The following RIMS1 variants were observed in gnomAD, a reference collection of about 807,000 sequenced individuals.
RIMS1 encodes regulating synaptic membrane exocytosis 1, also known as regulating synaptic membrane exocytosis protein 1.
RIMS1 carries 83 observed loss-of-function variants against 214.1 expected under a neutral mutation model. That is an observed-to-expected ratio of 0.39 (90% CI 0.32 to 0.47). The LOEUF (loss-of-function observed/expected upper bound fraction) is 0.47, where lower values mean the gene tolerates loss of function less well. RIMS1 is among the 20% of genes least tolerant of loss of function. The pLI, the probability that RIMS1 is intolerant of heterozygous loss-of-function variation, is 0.99. For missense variants in RIMS1, 2,050 were observed against 2,161.8 expected, an observed-to-expected ratio of 0.95 and a Z score of 1.03; for synonymous variants, 793 against 786.8, an observed-to-expected ratio of 1.01 and a Z score of -0.13.
intron 29 of RIMS1, among the ~76,000 whole-genome samples, chr6:72,364,357 T>C (rs1308586798): frequency 2.0e-5 from 3 of 152,180 alleles, no homozygotes; most frequent in Non-Finnish European, 2.9e-5. Flanking sequence ...TGGATAGCCA[T>C]ATAAAAATTA....
At chr6:72,034,606 A>G (rs1225625677) in intron 2 of RIMS1, among the ~76,000 whole-genome samples, 1 of 151,956 alleles carries the variant, frequency 6.6e-6, no homozygotes, top group Non-Finnish European at 1.5e-5. Context: ...TCATTATCTG[A>G]GCTATTATCA....
chr6:71,949,695 G>A (rs1463479770), intron 1 of RIMS1, among the ~76,000 whole-genome samples: 2 of 152,184 alleles, frequency 1.3e-5, no homozygotes, highest in Non-Finnish European at 2.9e-5. Context: ...ATTACATACA[G>A]TGTTTAATTA....
chr6:71,948,247 T>C (rs1788468549), intron 1 of RIMS1, among the ~76,000 whole-genome samples: 1 of 152,198 alleles, frequency 6.6e-6, no homozygotes, highest in African/African-American at 2.4e-5. Flanking sequence ...TGATCATTAG[T>C]GTTGTTCATC....
chr6:72,076,323 C>T (rs1237101311), intron 2 of RIMS1, among the ~76,000 whole-genome samples: 3 of 152,124 alleles, frequency 2.0e-5, no homozygotes, highest in African/African-American at 7.2e-5. Context: ...GATAAAGGTG[C>T]CCATCAATTT....
intron 22 of RIMS1, among the ~76,000 whole-genome samples, chr6:72,268,044 T>C (rs1164348034): frequency 6.6e-6 from 1 of 152,188 alleles, no homozygotes; most frequent in Non-Finnish European, 1.5e-5. Flanking sequence ...TTTTATGTAA[T>C]GTAAAATAAA....
chr6:72,207,075 G>A (rs1470037137), intron 6 of RIMS1, among the ~76,000 whole-genome samples: 1 of 152,170 alleles, frequency 6.6e-6, no homozygotes, highest in Non-Finnish European at 1.5e-5. Context: ...GAATAAACAA[G>A]CAAGAAGTAG....
At chr6:72,320,046 T>C (rs539125640) in intron 28 of RIMS1, among the ~76,000 whole-genome samples, 1 of 152,288 alleles carries the variant, frequency 6.6e-6, no homozygotes, top group South Asian at 2.1e-4. Context: ...ACACATAATA[T>C]AGTGCAACGG....
At chr6:72,076,484 C>T (rs80200934) in intron 2 of RIMS1, among the ~76,000 whole-genome samples, 18,377 of 152,238 alleles carry the variant, frequency 0.12, 1,381 homozygotes, top group South Asian at 0.18. Flanking sequence ...CATATGGCCT[C>T]ATCTCCACCT....
intron 2 of RIMS1, among the ~76,000 whole-genome samples, chr6:71,974,037 C>T (rs1408304177): frequency 1.3e-5 from 2 of 152,078 alleles, no homozygotes; most frequent in Non-Finnish European, 2.9e-5. Context: ...GTGGGCAAAT[C>T]ACATATCTTG....
At chr6:72,006,374 C>G (rs532043893) in intron 2 of RIMS1, among the ~76,000 whole-genome samples, 1 of 152,176 alleles carries the variant, frequency 6.6e-6, no homozygotes, top group Non-Finnish European at 1.5e-5. Context: ...CAAATAGGAA[C>G]AGCTCCAGTC....
intron 6 of RIMS1, among the ~76,000 whole-genome samples, chr6:72,210,473 T>A (rs1719837912): frequency 6.6e-6 from 1 of 152,198 alleles, no homozygotes. Context: ...TCTGCTAACA[T>A]CTCTGTAAAC....
chr6:71,976,560 T>C (rs1281665072), intron 2 of RIMS1, among the ~76,000 whole-genome samples: 1 of 152,102 alleles, frequency 6.6e-6, no homozygotes, highest in Non-Finnish European at 1.5e-5. Flanking sequence ...TTCATTTTCT[T>C]GATAGTACTT....
chr6:71,971,441 T>G (rs1024258238), intron 2 of RIMS1, among the ~76,000 whole-genome samples: 1 of 152,200 alleles, frequency 6.6e-6, no homozygotes, highest in Non-Finnish European at 1.5e-5. Flanking sequence ...TGATTGCCAA[T>G]TGAATATGGG....
chr6:71,995,782 C>CT (rs1455691746), intron 2 of RIMS1, among the ~76,000 whole-genome samples: 1 of 152,012 alleles, frequency 6.6e-6, no homozygotes, highest in Non-Finnish European at 1.5e-5. Flanking sequence ...TCTCTGGTAT[C>CT]TATCTATTCA....
chr6:71,960,974 C>T (rs1245003823), intron 1 of RIMS1, among the ~76,000 whole-genome samples: 2 of 152,014 alleles, frequency 1.3e-5, no homozygotes, highest in East Asian at 3.9e-4. Flanking sequence ...AGTGACCCCA[C>T]TAAATAGTGA....
At chr6:72,153,340 A>AT (rs145599977) in intron 4 of RIMS1, among the ~76,000 whole-genome samples, 2,475 of 151,480 alleles carry the variant, frequency 0.016, 16 homozygotes, top group African/African-American at 0.021. Flanking sequence ...CAGTAAGGAG[A>AT]TTTTTTTTCA....
chr6:71,924,066 T>C (rs1020328036), intron 1 of RIMS1, among the ~76,000 whole-genome samples: 2 of 152,200 alleles, frequency 1.3e-5, no homozygotes, highest in Non-Finnish European at 2.9e-5. Flanking sequence ...CTAAATTGTT[T>C]GTTTGATTGT....
chr6:72,204,114 G>T (rs964176755), intron 6 of RIMS1, among the ~76,000 whole-genome samples: 2 of 152,114 alleles, frequency 1.3e-5, no homozygotes, highest in East Asian at 1.9e-4. Context: ...TGTGAATTCT[G>T]CCTGGGATAG....
chr6:72,140,253 G>T (rs1053383586), intron 4 of RIMS1, among the ~76,000 whole-genome samples: 4 of 151,988 alleles, frequency 2.6e-5, no homozygotes, highest in African/African-American at 9.7e-5. Flanking sequence ...GCTTTTAAAT[G>T]TATAATTATC....
Sources: allele counts gnomAD v4.1 joint callset (sites outside exome capture counted in the v4.1 genomes callset), GRCh38; gene constraint gnomAD v4.1.1; transcripts MANE v1.5; gene names NCBI Gene and HGNC (gene_info 2026-07-23, HGNC 2026-07-21).